Variants in MYO1B observed in about 807,000 individuals in gnomAD.
MYO1B encodes the protein myosin IB, also known as unconventional myosin-Ib.
MYO1B carries 72 observed loss-of-function variants against 159.7 expected under a neutral mutation model. The ratio of observed to expected loss-of-function variants is 0.45; its 90% CI spans 0.37 to 0.55. The LOEUF is 0.55. Among genes scored for constraint, MYO1B ranks in the 20% least tolerant of loss-of-function variants. MYO1B has a pLI of 0.00. For synonymous variants in MYO1B, 468 were observed against 473.8 expected, an observed-to-expected ratio of 0.99 and a Z score of 0.16; for missense variants, 1,062 against 1,364.8, an observed-to-expected ratio of 0.78 and a Z score of 3.50.
chr2:191,368,707 C>T (rs931581688), intron 11 of MYO1B, among the ~76,000 whole-genome samples: 4 of 152,182 alleles, frequency 2.6e-5, no homozygotes, highest in African/African-American at 9.7e-5. Context: ...CATGGTGGCT[C>T]ATGCCTCTCT....
rs536015511 is a variant in MYO1B, at chr2:191,416,602, C to G, written c.3287+360C>G. ...GGCCGAGGCAGGCGAATCACGAGGT[C>G]AGGAGTTCGAGACCAGCCTGGCCAA... On this transcript the variant is annotated intron_variant, in intron 30 of 30. Coordinates refer to ENST00000392318, the MANE Select transcript of MYO1B (RefSeq NM_001130158.3). The G allele has an allele frequency of 1.4e-3, 239 of 170,278 alleles. 1 individual carries two copies. The highest frequency in any genetic ancestry group is 4.9e-3 in the African/African-American group (206 of 41,982). 10.5% of individuals were successfully genotyped at this position (170,278 alleles called of 1,614,324 possible).
In MYO1B at chr2:191,261,663, C is replaced by T. The variant is rs981606622; in HGVS notation, c.-9-15224C>T. ...GGCTATATGCCTGAATTCAGCAAGGCGGGACGTAGAGAGGGGTATGGGGCA... is the reference window on the plus strand; with the variant it reads ...GGCTATATGCCTGAATTCAGCAAGGTGGGACGTAGAGAGGGGTATGGGGCA... On this transcript the variant is annotated intron_variant, in intron 1 of 30. Coordinates refer to ENST00000392318, the MANE Select transcript of MYO1B (RefSeq NM_001130158.3). 5.3e-5 allele frequency among the ~76,000 whole-genome samples: 8 copies of T among 152,022 alleles called. No homozygotes were observed. In the East Asian group the frequency reaches 7.7e-4, roughly 15 times the overall value.
chr2:191,321,514 G>A (rs1010641555), intron 3 of MYO1B, among the ~76,000 whole-genome samples: 6 of 152,152 alleles, frequency 3.9e-5, no homozygotes, highest in Non-Finnish European at 7.4e-5. Context: ...GAATTCTTTT[G>A]TTAAAAGAGA....
intron 30 of MYO1B, among the ~76,000 whole-genome samples, chr2:191,417,147 A>C (rs1697627508): frequency 1.3e-5 from 2 of 152,296 alleles, no homozygotes; most frequent in Non-Finnish European, 2.9e-5. Flanking sequence ...TCTTCCTAAA[A>C]GTCTTTCTAA....
intron 3 of MYO1B, among the ~76,000 whole-genome samples, chr2:191,320,149 G>C (rs554000790): frequency 4.8e-4 from 73 of 152,270 alleles, no homozygotes; most frequent in South Asian, 3.5e-3. Context: ...ATGCTTTGGG[G>C]AAAGGTTTTG....
At position 191,283,931 on chromosome 2, in the gene MYO1B, G is replaced by A. The variant is rs143888066; in HGVS notation, c.135+6901G>A. On this transcript the variant is annotated intron_variant, in intron 2 of 30. Coordinates refer to ENST00000392318, the MANE Select transcript of MYO1B (RefSeq NM_001130158.3). Reference sequence around the variant, plus strand: ...CTGCCATGTGTTGAGCTGCTCAGCAGTGCAGTGACATGAACCAGCGTGACA... The same window carrying A: ...CTGCCATGTGTTGAGCTGCTCAGCAATGCAGTGACATGAACCAGCGTGACA... Among the ~76,000 whole-genome samples, 277 of 152,350 alleles carry A rather than the reference G, an allele frequency of 1.8e-3. 1 individual carries two copies. The highest frequency in any genetic ancestry group is 6.4e-3 in the African/African-American group (266 of 41,584).
At chr2:191,274,802 C>T (rs1476445700) in intron 1 of MYO1B, among the ~76,000 whole-genome samples, 1 of 152,166 alleles carries the variant, frequency 6.6e-6, no homozygotes, top group African/African-American at 2.4e-5. Flanking sequence ...GCCTCCCACC[C>T]TCATCAGTTT....
At position 191,393,132 on chromosome 2, in the gene MYO1B, G is replaced by A. The variant is rs755940770; in HGVS notation, c.2136G>A (p.Gln712=). 5.0e-6 allele frequency: 8 copies of A among 1,613,936 alleles called. No homozygotes were observed. The highest frequency in any genetic ancestry group is 1.3e-5 in the African/African-American group (1 of 74,968). Residue 712 remains glutamine (Q), a synonymous_variant, in exon 20 of 31, where the codon CAG becomes CAA. Transcript: ENST00000392318. ...TGGAGGACTTGGCCACTCTCATTCA[G>A]AAGATATATCGGGGGTGGAAATGCC... The part of the protein sequence containing the change: ...QRLEDLATLI[Q]KIYRGWKCRT...
chr2:191,401,813 C>T (rs1696633796), intron 23 of MYO1B: 1 of 152,216 alleles, frequency 6.6e-6, no homozygotes, highest in South Asian at 2.1e-4. Flanking sequence ...AATGTCATAG[C>T]AGAAGCAAAA....
At chr2:191,322,853 C>T (rs750877336) in intron 3 of MYO1B, among the ~76,000 whole-genome samples, 1 of 152,056 alleles carries the variant, frequency 6.6e-6, no homozygotes, top group Non-Finnish European at 1.5e-5. Flanking sequence ...GGTGAGACCA[C>T]AGAGTAAAGT....
At chr2:191,326,069 A>G (rs918918835) in intron 3 of MYO1B, among the ~76,000 whole-genome samples, 4 of 152,200 alleles carry the variant, frequency 2.6e-5, no homozygotes, top group African/African-American at 9.6e-5. Flanking sequence ...TGGTAGGACT[A>G]AAACTGTGTT....
intron 16 of MYO1B, 67 bp downstream of exon 16, chr2:191,386,151 G>T: frequency 6.7e-7 from 1 of 1,489,836 alleles, no homozygotes; most frequent in Non-Finnish European, 9.2e-7. Context: ...CTGTACCTCA[G>T]AGATGGGCGT....
At chr2:191,373,848 C>A (rs1478546135) in intron 13 of MYO1B, among the ~76,000 whole-genome samples, 1 of 151,770 alleles carries the variant, frequency 6.6e-6, no homozygotes, top group Non-Finnish European at 1.5e-5. Context: ...TCTTTTTTTC[C>A]CCCCAGTTCC....
intron 3 of MYO1B, among the ~76,000 whole-genome samples, chr2:191,308,121 A>G (rs1412877981): frequency 2.6e-5 from 4 of 152,070 alleles, no homozygotes; most frequent in Non-Finnish European, 4.4e-5. Context: ...TCCTGATGCT[A>G]CTGAGGGGCC....
chr2:191,356,337 C>CTTTTTTTTTTTTTTTTTTT (rs79525897), intron 7 of MYO1B, among the ~76,000 whole-genome samples: 2 of 106,462 alleles, frequency 1.9e-5, no homozygotes, highest in Admixed American at 9.9e-5. Context: ...GGCTGGGCTT[C>CTTTTTTTTTTTTTTTTTTT]TTTTTTTTTT....
intron 13 of MYO1B, among the ~76,000 whole-genome samples, chr2:191,374,295 A>G (rs1694559726): frequency 6.6e-6 from 1 of 152,238 alleles, no homozygotes; most frequent in Non-Finnish European, 1.5e-5. Context: ...TTTCCACCCA[A>G]GTGAAAAGAA....
intron 3 of MYO1B, among the ~76,000 whole-genome samples, chr2:191,317,360 A>G (rs924339310): frequency 7.9e-5 from 12 of 152,240 alleles, no homozygotes; most frequent in African/African-American, 1.4e-4. Flanking sequence ...TAGGAGGGAT[A>G]GGAGCAGCAT....
chr2:191,387,494 A>G lies in MYO1B; in HGVS notation c.1781+44A>G, dbSNP rs772652820. 2.0e-6 allele frequency: 3 copies of G among 1,525,560 alleles called. No individual in the cohort carries two copies. The South Asian group carries it at 3.4e-5, about 17-fold the overall frequency. The allele number at this position is 1,525,560 out of a possible 1,614,324, so 94.5% of individuals were successfully genotyped here. A position where few individuals can be genotyped will look rare whatever the true frequency, so the allele number is the denominator to read the frequency against. Reference sequence around the variant, plus strand: ...ACTTTCACAGTTCAAATGTGAGAGCACCCCGAAGGAATATCATTTTTCCCT... The same window carrying G: ...ACTTTCACAGTTCAAATGTGAGAGCGCCCCGAAGGAATATCATTTTTCCCT... On this transcript the variant is annotated intron_variant, in intron 17 of 30. Coordinates refer to ENST00000392318, the MANE Select transcript of MYO1B (RefSeq NM_001130158.3).
chr2:191,252,466 A>G (rs1388505265), intron 1 of MYO1B, among the ~76,000 whole-genome samples: 2 of 152,230 alleles, frequency 1.3e-5, no homozygotes, highest in Non-Finnish European at 2.9e-5. Flanking sequence ...CCTCTTATCC[A>G]TGTACTGAAA....
Sources: allele counts gnomAD v4.1 joint callset (sites outside exome capture counted in the v4.1 genomes callset), GRCh38; gene constraint gnomAD v4.1.1; transcripts MANE v1.5; gene names NCBI Gene and HGNC (gene_info 2026-07-23, HGNC 2026-07-21).